Variants in CNTN5 observed in about 807,000 individuals in gnomAD.
CNTN5 encodes contactin 5.
In CNTN5, 77 loss-of-function variants were observed where a neutral mutation model predicts 129.1. The ratio of observed to expected loss-of-function variants is 0.60; its 90% CI spans 0.50 to 0.72. CNTN5 has a LOEUF of 0.72. Ranked by LOEUF, CNTN5 falls within the 30% of genes least tolerant of loss-of-function variation. CNTN5 has a pLI of 0.00. For synonymous variants in CNTN5, 509 were observed against 465.6 expected (o/e 1.09, Z -1.20); for missense variants, 1,478 against 1,328.8 (o/e 1.11, Z -1.75).
chr11:99,470,823 T>A (rs534543358), intron 2 of CNTN5, among the ~76,000 whole-genome samples: 15 of 152,070 alleles, frequency 9.9e-5, no homozygotes, highest in South Asian at 6.2e-4. Flanking sequence ...TATTTTTTTT[T>A]ATCATTATAG....
intron 3 of CNTN5, among the ~76,000 whole-genome samples, chr11:99,751,650 G>T (rs934324415): frequency 6.6e-6 from 1 of 152,134 alleles, no homozygotes; most frequent in Non-Finnish European, 1.5e-5. Flanking sequence ...ATCTGGACAT[G>T]TTATTTGCTC....
chr11:99,923,510 C>G (rs1949985962), intron 7 of CNTN5, among the ~76,000 whole-genome samples: 1 of 152,102 alleles, frequency 6.6e-6, no homozygotes, highest in Non-Finnish European at 1.5e-5. Context: ...TACTATTTTA[C>G]TTACATATTT....
Position 99,523,639 on chromosome 11 carries a change from TAGAATAGAATAGAACAGAACAGATC to T in CNTN5, c.-70-32501_-70-32477del, listed in dbSNP as rs1174691844. Among the ~76,000 whole-genome samples the T allele has an allele frequency of 2.6e-3, 132 of 50,464 alleles. 1 individual carries two copies. Among genetic ancestry groups the T allele is most frequent in the African/African-American group, 9.4e-3 (123 of 13,048 alleles). 33.1% of individuals were successfully genotyped at this position (50,464 alleles called of 152,430 possible). ...TAGAATAGAATAGAATAGAATAGAATAGAATAGAATAGAACAGAACAGATCAGAACAGAACAGAACAGAACAGAAC... is the reference window on the plus strand; with the variant it reads ...TAGAATAGAATAGAATAGAATAGAATAGAACAGAACAGAACAGAACAGAAC... On this transcript the variant is annotated intron_variant, in intron 2 of 24. Transcript: ENST00000524871.
At chr11:99,973,389 C>T (rs1197678864) in intron 8 of CNTN5, among the ~76,000 whole-genome samples, 1 of 152,020 alleles carries the variant, frequency 6.6e-6, no homozygotes, top group Non-Finnish European at 1.5e-5. Flanking sequence ...GGGGTATTCT[C>T]ATAATTGAGC....
At chr11:99,237,643 C>G (rs554544372) in intron 1 of CNTN5, among the ~76,000 whole-genome samples, 68 of 151,554 alleles carry the variant, frequency 4.5e-4, no homozygotes, top group African/African-American at 1.6e-3. Flanking sequence ...ATCGTGCCAC[C>G]GCACCCCAGC....
intron 24 of CNTN5, among the ~76,000 whole-genome samples, chr11:100,354,653 C>T (rs548270329): frequency 2.6e-5 from 4 of 151,730 alleles, no homozygotes; most frequent in Middle Eastern, 3.4e-3. Context: ...ATGCATCCTT[C>T]AGCAATTTCA....
chr11:100,195,696 A>G (rs1452108877), intron 15 of CNTN5, among the ~76,000 whole-genome samples: 1 of 151,964 alleles, frequency 6.6e-6, no homozygotes, highest in Non-Finnish European at 1.5e-5. Flanking sequence ...ATGTATTTTA[A>G]AACATATGGA....
chr11:99,997,643 T>G (rs1004619497), intron 8 of CNTN5, among the ~76,000 whole-genome samples: 1 of 152,148 alleles, frequency 6.6e-6, no homozygotes, highest in Non-Finnish European at 1.5e-5. Flanking sequence ...GAATCCTCCC[T>G]AACTCACTTT....
intron 2 of CNTN5, among the ~76,000 whole-genome samples, chr11:99,348,097 C>T (rs1938027576): frequency 6.6e-6 from 1 of 152,170 alleles, no homozygotes; most frequent in Admixed American, 6.5e-5. Context: ...ATCACTGCTA[C>T]TAGCCTATCT....
At chr11:99,203,650 C>A (rs1185726866) in intron 1 of CNTN5, among the ~76,000 whole-genome samples, 4 of 151,864 alleles carry the variant, frequency 2.6e-5, no homozygotes, top group African/African-American at 9.7e-5. Context: ...AGTGCAATGG[C>A]GTGATCTCGG....
At chr11:99,243,198 G>T (rs938735143) in intron 1 of CNTN5, among the ~76,000 whole-genome samples, 1 of 152,120 alleles carries the variant, frequency 6.6e-6, no homozygotes, top group Non-Finnish European at 1.5e-5. Flanking sequence ...GCATCTCATT[G>T]TGGTTTTGAT....
In CNTN5 at chr11:99,376,837, G is replaced by A. The variant is rs564752364; in HGVS notation, c.-71+51353G>A. 1.2e-4 allele frequency among the ~76,000 whole-genome samples: 18 copies of A among 152,252 alleles called. 1 individual carries two copies. The South Asian group carries it at 3.5e-3, about 30-fold the overall frequency. ...CAAATCAGAACAGAGGCTTCCAACAGTTAAAAATCCTTTCTATTCTCATGA... is the reference window on the plus strand; with the variant it reads ...CAAATCAGAACAGAGGCTTCCAACAATTAAAAATCCTTTCTATTCTCATGA... On this transcript the variant is annotated intron_variant, in intron 2 of 24. Coordinates refer to ENST00000524871, the MANE Select transcript of CNTN5 (RefSeq NM_014361.4).
At chr11:99,831,892 T>C (rs1947152114) in intron 4 of CNTN5, among the ~76,000 whole-genome samples, 2 of 152,214 alleles carry the variant, frequency 1.3e-5, no homozygotes, top group Admixed American at 6.5e-5. Flanking sequence ...ATGGTGGACA[T>C]TGAGTTCTTC....
intron 1 of CNTN5, among the ~76,000 whole-genome samples, chr11:99,111,368 A>G (rs1857787865): frequency 6.6e-6 from 1 of 151,906 alleles, no homozygotes; most frequent in Admixed American, 6.6e-5. Context: ...TTGGCCAAAA[A>G]ACTTAGAAAA....
At chr11:99,141,526 A>C (rs1042768348) in intron 1 of CNTN5, among the ~76,000 whole-genome samples, 2 of 151,544 alleles carry the variant, frequency 1.3e-5, no homozygotes, top group African/African-American at 4.8e-5. Flanking sequence ...TCAAGCTCTC[A>C]TTTTGGCTAT....
At chr11:99,350,585 C>T (rs1359109917) in intron 2 of CNTN5, among the ~76,000 whole-genome samples, 3 of 151,976 alleles carry the variant, frequency 2.0e-5, no homozygotes, top group Admixed American at 2.0e-4. Flanking sequence ...AATGGATAAA[C>T]AAATTGTGAT....
At chr11:99,848,218 A>G (rs927084588) in intron 6 of CNTN5, among the ~76,000 whole-genome samples, 7 of 152,126 alleles carry the variant, frequency 4.6e-5, no homozygotes, top group Non-Finnish European at 1.5e-5. Context: ...TCAAAACAAA[A>G]CAAAACAAAC....
intron 18 of CNTN5, among the ~76,000 whole-genome samples, chr11:100,295,050 C>T (rs553529496): frequency 3.3e-5 from 5 of 151,568 alleles, no homozygotes; most frequent in African/African-American, 4.8e-5. Flanking sequence ...TTAGTGAATC[C>T]GATTATATCT....
Position 99,792,573 on chromosome 11 carries a change from G to GTGTGTGTCTGTCTGTCTGTC in CNTN5, c.56-26968_56-26967insGTGTCTGTCTGTCTGTCTGT, listed in dbSNP as rs34622017. 3.9e-3 allele frequency among the ~76,000 whole-genome samples: 456 copies of GTGTGTGTCTGTCTGTCTGTC among 116,666 alleles called. 5 individuals carry two copies. The highest frequency in any genetic ancestry group is 0.015 in the African/African-American group (405 of 27,250). The allele number at this position is 116,666 out of a possible 152,430, so 76.5% of individuals were successfully genotyped here. A position where few individuals can be genotyped will look rare whatever the true frequency, so the allele number is the denominator to read the frequency against. ...TGTGTGTGTGTGTGTGTGTGTGTGTGTGTCTGTCTGTCTGTCTGTCTGTCT... is the reference window on the plus strand; with the variant it reads ...TGTGTGTGTGTGTGTGTGTGTGTGTGTGTGTGTCTGTCTGTCTGTCTGTCTGTCTGTCTGTCTGTCTGTCT... On this transcript the variant is annotated intron_variant, in intron 3 of 24. Transcript: ENST00000524871.
Sources: allele counts gnomAD v4.1 joint callset (sites outside exome capture counted in the v4.1 genomes callset), GRCh38; gene constraint gnomAD v4.1.1; transcripts MANE v1.5; gene names NCBI Gene and HGNC (gene_info 2026-07-23, HGNC 2026-07-21).